RETREG1: variants seen among roughly 807,000 people sequenced by gnomAD.
The protein encoded by RETREG1 is reticulophagy regulator 1, also known as family with sequence similarity 134 member B.
In RETREG1, 44 loss-of-function variants were observed where a neutral mutation model predicts 54.8. The ratio of observed to expected loss-of-function variants is 0.80; its 90% CI spans 0.63 to 1.03. The LOEUF (loss-of-function observed/expected upper bound fraction) is 1.03, where lower values mean the gene tolerates loss of function less well. Ranked by LOEUF, RETREG1 falls within the 50% of genes least tolerant of loss-of-function variation. The pLI is 0.00. For missense variants in RETREG1, 554 were observed against 605.1 expected (o/e 0.92, Z 0.89); for synonymous variants, 217 against 238.5 (o/e 0.91, Z 0.83).
rs530205375 is a variant in RETREG1, at chr5:16,542,420, T to C, written c.458+23343A>G. On this transcript the variant is annotated intron_variant, in intron 3 of 8. Transcript: ENST00000306320. ...GCTTTTGAAAAACGGAAGACAGTCA[T>C]AGACTGTCAATAGACGATAGTCAAT... Among the ~76,000 whole-genome samples, 77 of 152,340 alleles carry C rather than the reference T, an allele frequency of 5.1e-4. 2 individuals are homozygous for C. The highest frequency in any genetic ancestry group is 1.7e-3 in the African/African-American group (69 of 41,568).
chr5:16,531,480 G>A (rs183052401), intron 3 of RETREG1, among the ~76,000 whole-genome samples: 5 of 152,238 alleles, frequency 3.3e-5, no homozygotes, highest in East Asian at 3.9e-4. Context: ...TAAGTCTGGC[G>A]GAGAACACAG....
intron 3 of RETREG1, among the ~76,000 whole-genome samples, chr5:16,532,121 A>T (rs577595835): frequency 6.6e-6 from 1 of 152,364 alleles, no homozygotes; most frequent in East Asian, 1.9e-4. Flanking sequence ...AGACCCAATG[A>T]CATCACATCT....
intron 3 of RETREG1, among the ~76,000 whole-genome samples, chr5:16,505,512 C>T (rs1467535483): frequency 6.6e-6 from 1 of 152,172 alleles, no homozygotes; most frequent in Non-Finnish European, 1.5e-5. Flanking sequence ...ACATTGGGAG[C>T]GCCATAAAGC....
At chr5:16,612,088 AC>A (rs1743360411) in intron 1 of RETREG1, among the ~76,000 whole-genome samples, 1 of 150,626 alleles carries the variant, frequency 6.6e-6, no homozygotes. Flanking sequence ...AAAGGACATC[AC>A]CCTATCACCC....
At chr5:16,566,108 T>A (rs886342548) in intron 2 of RETREG1, among the ~76,000 whole-genome samples, 8 of 151,956 alleles carry the variant, frequency 5.3e-5, no homozygotes, top group Non-Finnish European at 1.0e-4. Flanking sequence ...TGAACCCAAG[T>A]AAATATGAAC....
chr5:16,588,930 CT>C (rs1024969884), intron 1 of RETREG1, among the ~76,000 whole-genome samples: 17 of 152,306 alleles, frequency 1.1e-4, no homozygotes, highest in African/African-American at 4.1e-4. Flanking sequence ...TTGTCATCCT[CT>C]GGGGGCCACT....
At chr5:16,565,866 C>A (rs1741992449) in intron 2 of RETREG1, 73 bp from the exon 3 acceptor site, 1 of 1,470,798 alleles carries the variant, frequency 6.8e-7, no homozygotes, top group Admixed American at 1.9e-5. Context: ...CAACTCTGAA[C>A]TAGTCCAAGC....
intron 3 of RETREG1, among the ~76,000 whole-genome samples, chr5:16,523,179 C>A (rs938340275): frequency 6.6e-6 from 1 of 152,168 alleles, no homozygotes; most frequent in Non-Finnish European, 1.5e-5. Flanking sequence ...TTTGTAGAAA[C>A]TACAACCCAT....
chr5:16,482,353 G>A (rs1021050273), intron 4 of RETREG1, among the ~76,000 whole-genome samples: 1 of 151,662 alleles, frequency 6.6e-6, no homozygotes, highest in African/African-American at 2.4e-5. Context: ...ACCCAATGCA[G>A]AAGTTTGAAG....
Position 16,552,868 on chromosome 5 carries a change from A to C in RETREG1, c.458+12895T>G, listed in dbSNP as rs1048126833. On this transcript the variant is annotated intron_variant, in intron 3 of 8. Coordinates refer to ENST00000306320, the MANE Select transcript of RETREG1 (RefSeq NM_001034850.3). ...TTGGAGCCACACGGCTGGGTTCTGC[A>C]GTAGCCAAACTATTCTTAGCTTCTC... 3.3e-5 allele frequency among the ~76,000 whole-genome samples: 5 copies of C among 152,208 alleles called. No homozygotes were observed. In the East Asian group the frequency reaches 9.6e-4, roughly 29 times the overall value.
At chr5:16,569,911 G>A (rs1255143121) in intron 2 of RETREG1, among the ~76,000 whole-genome samples, 1 of 152,258 alleles carries the variant, frequency 6.6e-6, no homozygotes, top group Non-Finnish European at 1.5e-5. Context: ...AGATTGCAGT[G>A]ATGCGGCTGC....
chr5:16,505,773 C>A (rs570620780), intron 3 of RETREG1, among the ~76,000 whole-genome samples: 1 of 152,270 alleles, frequency 6.6e-6, no homozygotes, highest in Non-Finnish European at 1.5e-5. Flanking sequence ...AGGCCTCTGG[C>A]CAGGGTACAC....
Position 16,474,776 on chromosome 5 carries a change from A to G in RETREG1, c.1459T>C (p.Ser487Pro), listed in dbSNP as rs1738451271. ...EAEAQQNKKSSGFLSNLLGGH is the reference protein window; with the variant it reads ...EAEAQQNKKSPGFLSNLLGGH ...CCCAGCAGATTTGAAAGGAAACCTG[A>G]AGACTTCTTATTTTGCTGTGCTTCT... is the stretch of plus-strand genomic sequence containing the variant. The change falls in exon 9 of 9, where the codon TCA becomes CCA. Residue 487 changes from serine to proline, a missense_variant. Transcript: ENST00000306320. The G allele has an allele frequency of 1.2e-6, 2 of 1,612,794 alleles. No individual in the cohort carries two copies. The highest frequency in any genetic ancestry group is 2.7e-5 in the African/African-American group (2 of 74,622).
chr5:16,589,554 C>T (rs565642954), intron 1 of RETREG1, among the ~76,000 whole-genome samples: 71 of 152,154 alleles, frequency 4.7e-4, no homozygotes, highest in South Asian at 2.9e-3. Flanking sequence ...TTAGTAGAGA[C>T]GGGGCTTCAC....
chr5:16,512,985 A>G (rs1213258616), intron 3 of RETREG1, among the ~76,000 whole-genome samples: 1 of 151,902 alleles, frequency 6.6e-6, no homozygotes, highest in Non-Finnish European at 1.5e-5. Flanking sequence ...TCTCGCAGCA[A>G]CTGGGGTCAT....
chr5:16,483,308 G>T, intron 4 of RETREG1, 38 bp downstream of exon 4: 1 of 1,610,548 alleles, frequency 6.2e-7, no homozygotes, highest in Non-Finnish European at 8.5e-7. Flanking sequence ...CCAAGTAACT[G>T]AACATTTTAA....
intron 3 of RETREG1, among the ~76,000 whole-genome samples, chr5:16,564,058 C>T (rs1741942098): frequency 2.0e-5 from 3 of 152,106 alleles, no homozygotes; most frequent in African/African-American, 7.2e-5. Flanking sequence ...TTCTTGTCTG[C>T]TCTATTTATA....
At chr5:16,518,288 CTT>C (rs918828495) in intron 3 of RETREG1, among the ~76,000 whole-genome samples, 14 of 146,968 alleles carry the variant, frequency 9.5e-5, no homozygotes, top group African/African-American at 2.7e-4. Flanking sequence ...TATATATACA[CTT>C]ATATATTGAT....
At chr5:16,570,266 T>C (rs1389828871) in intron 2 of RETREG1, among the ~76,000 whole-genome samples, 1 of 152,224 alleles carries the variant, frequency 6.6e-6, no homozygotes, top group Non-Finnish European at 1.5e-5. Context: ...ATTCTTGCAA[T>C]GTAAAGGTTT....
Sources: allele counts gnomAD v4.1 joint callset (sites outside exome capture counted in the v4.1 genomes callset), GRCh38; gene constraint gnomAD v4.1.1; transcripts MANE v1.5; gene names NCBI Gene and HGNC (gene_info 2026-07-23, HGNC 2026-07-21).